ATAD2B: variants seen among roughly 807,000 people sequenced by gnomAD.
ATAD2B encodes the protein ATPase family AAA domain-containing protein 2B.
A neutral mutation model predicts 167.6 loss-of-function variants in ATAD2B; 40 were observed. That is an observed-to-expected ratio of 0.24 (90% CI 0.19 to 0.31). ATAD2B has a LOEUF of 0.31. Among genes scored for constraint, ATAD2B ranks in the 10% least tolerant of loss-of-function variants. The pLI, the probability that ATAD2B is intolerant of heterozygous loss-of-function variation, is 1.00. For synonymous variants in ATAD2B, 579 were observed against 596.5 expected, an observed-to-expected ratio of 0.97 and a Z score of 0.43; for missense variants, 1,242 against 1,757.2, an observed-to-expected ratio of 0.71 and a Z score of 5.24.
intron 20 of ATAD2B, among the ~76,000 whole-genome samples, chr2:23,787,461 A>G (rs1680997772): frequency 6.6e-6 from 1 of 152,108 alleles, no homozygotes; most frequent in Admixed American, 6.6e-5. Flanking sequence ...GCAACAAAAT[A>G]AACATAAATA....
chr2:23,741,960 T>TC, the ATAD2B span, among the ~76,000 whole-genome samples: 1 of 151,960 alleles, frequency 6.6e-6, no homozygotes, highest in East Asian at 1.9e-4. Flanking sequence ...AAAATGCTCA[T>TC]CATCACTGGC....
At chr2:23,721,574 C>T in the ATAD2B span, among the ~76,000 whole-genome samples, 2 of 152,188 alleles carry the variant, frequency 1.3e-5, no homozygotes, top group Admixed American at 6.5e-5. Context: ...GCAGACATAC[C>T]CCCAGGCCAG....
chr2:23,901,777 T>C (rs1045921842), intron 1 of ATAD2B, among the ~76,000 whole-genome samples: 3 of 152,152 alleles, frequency 2.0e-5, no homozygotes, highest in Admixed American at 2.0e-4. Flanking sequence ...ATAAAGTATG[T>C]AACATTTCAC....
intron 7 of ATAD2B, 58 bp from the exon 8 acceptor site, chr2:23,875,962 T>G: frequency 7.9e-7 from 1 of 1,261,774 alleles, no homozygotes; most frequent in Non-Finnish European, 1.1e-6. Context: ...AATTAATGTA[T>G]TAAAGGAGTA....
At chr2:23,786,319 C>G (rs1680804140) in intron 20 of ATAD2B, 96 bp from the exon 21 acceptor site, 1 of 1,002,986 alleles carries the variant, frequency 1.0e-6, no homozygotes, top group Non-Finnish European at 1.4e-6. Flanking sequence ...AAAAGAATTA[C>G]AAATACAGTC....
chr2:23,912,492 G>A (rs1008552805), intron 1 of ATAD2B, among the ~76,000 whole-genome samples: 7 of 151,276 alleles, frequency 4.6e-5, no homozygotes, highest in Admixed American at 4.6e-4. Flanking sequence ...GAGTGAGAGA[G>A]TGAGACCCCA....
At chr2:23,706,466 G>A in the ATAD2B span, 41 of 1,462,134 alleles carry the variant, frequency 2.8e-5, no homozygotes, top group South Asian at 9.7e-5. Flanking sequence ...CTCTGTCCCC[G>A]CTTTCCCCCA....
chr2:23,728,226 T>TA, the ATAD2B span, among the ~76,000 whole-genome samples: 118 of 151,990 alleles, frequency 7.8e-4, 2 homozygotes, highest in South Asian at 0.022. Context: ...AAAACTGCTT[T>TA]AAAAAAAAGG....
intron 22 of ATAD2B, among the ~76,000 whole-genome samples, chr2:23,775,684 G>A (rs116294778): frequency 0.033 from 5,039 of 152,224 alleles, 80 homozygotes; most frequent in South Asian, 0.045. Context: ...GTAAGACTGG[G>A]ACTTACACTG....
At chr2:23,775,810 A>G (rs1239729083) in intron 22 of ATAD2B, among the ~76,000 whole-genome samples, 1 of 152,080 alleles carries the variant, frequency 6.6e-6, no homozygotes, top group East Asian at 1.9e-4. Flanking sequence ...ATGACTCCCA[A>G]CCATATCTCC....
At chr2:23,761,758 C>T (rs980489879) in intron 24 of ATAD2B, among the ~76,000 whole-genome samples, 24 of 152,292 alleles carry the variant, frequency 1.6e-4, no homozygotes, top group African/African-American at 5.8e-4. Flanking sequence ...GAAGGCTGTG[C>T]CAATTTTTCA....
intron 22 of ATAD2B, among the ~76,000 whole-genome samples, chr2:23,773,980 T>C (rs1035648365): frequency 6.6e-6 from 1 of 152,212 alleles, no homozygotes; most frequent in East Asian, 1.9e-4. Flanking sequence ...GTAACAGCAA[T>C]TTCACTGTGT....
chr2:23,729,701 G>A, the ATAD2B span, among the ~76,000 whole-genome samples: 51 of 152,106 alleles, frequency 3.4e-4, no homozygotes, highest in Non-Finnish European at 1.0e-4. Flanking sequence ...AAAGTAAAAT[G>A]ATGAGAAAAG....
the ATAD2B span, among the ~76,000 whole-genome samples, chr2:23,716,239 C>T: frequency 5.3e-5 from 8 of 152,184 alleles, no homozygotes; most frequent in Non-Finnish European, 1.0e-4. Context: ...AGACACATGA[C>T]TAGAGCTATT....
At chr2:23,808,104 AG>A (rs1451346046) in intron 18 of ATAD2B, among the ~76,000 whole-genome samples, 80 of 129,674 alleles carry the variant, frequency 6.2e-4, no homozygotes, top group African/African-American at 2.3e-3. Context: ...TATATATATA[AG>A]TAATTATATA....
chr2:23,864,257 G>A (rs926778784), intron 11 of ATAD2B, among the ~76,000 whole-genome samples: 9 of 151,898 alleles, frequency 5.9e-5, no homozygotes, highest in African/African-American at 1.7e-4. Context: ...CACCCACCTC[G>A]GGATCCCAAA....
At chr2:23,855,795 A>G (rs1693299579) in intron 13 of ATAD2B, among the ~76,000 whole-genome samples, 2 of 152,214 alleles carry the variant, frequency 1.3e-5, no homozygotes, top group Admixed American at 1.3e-4. Flanking sequence ...AGGCTGAGGC[A>G]GTAGGATCAC....
chr2:23,910,745 G>T (rs565064124), intron 1 of ATAD2B, among the ~76,000 whole-genome samples: 1 of 152,010 alleles, frequency 6.6e-6, no homozygotes, highest in Admixed American at 6.6e-5. Context: ...GAGCACGCCT[G>T]TAGTTCCAGC....
At chr2:23,867,770 T>A in intron 10 of ATAD2B, 65 bp downstream of exon 10, 1 of 1,176,654 alleles carries the variant, frequency 8.5e-7, no homozygotes, top group South Asian at 1.3e-5. Flanking sequence ...TATGTGCTGC[T>A]TTAGAAACAA....
Sources: gnomAD v4.1 joint callset for allele counts (sites outside exome capture counted in the v4.1 genomes callset) on GRCh38, gnomAD v4.1.1 for gene constraint, MANE v1.5 for transcripts, NCBI Gene and HGNC (gene_info 2026-07-23, HGNC 2026-07-21) for gene names.